TRIT1: variants seen among roughly 807,000 people sequenced by gnomAD.
TRIT1 encodes the protein tRNA isopentenyltransferase 1, also known as tRNA dimethylallyltransferase.
In TRIT1, 43 loss-of-function variants were observed where a neutral mutation model predicts 51.2. The ratio of observed to expected loss-of-function variants is 0.84; its 90% confidence interval spans 0.66 to 1.08. The LOEUF (loss-of-function observed/expected upper bound fraction) is 1.08, where lower values mean the gene tolerates loss of function less well. Ranked by LOEUF, TRIT1 falls within the 50% of genes least tolerant of loss-of-function variation. The probability of loss-of-function intolerance (pLI) is 0.00; values close to 1 mark genes in which losing one functional copy is unlikely to be tolerated. For missense variants in TRIT1, 528 were observed against 578.4 expected, an observed-to-expected ratio of 0.91 and a Z score of 0.89; for synonymous variants, 184 against 203.9, an observed-to-expected ratio of 0.90 and a Z score of 0.83.
rs116764500 is a variant in TRIT1, at chr1:39,860,801, C to T, written c.175-3384G>A. ...GACAAAAAGTTTATTTTAAAAAAGC[C>T]GCGTGCAGTGGCTCACATCTGTAAT... On this transcript the variant is annotated intron_variant, in intron 1 of 10. Coordinates refer to ENST00000316891, the MANE Select transcript of TRIT1 (RefSeq NM_017646.6). Among the ~76,000 whole-genome samples, 608 of 152,258 alleles carry T rather than the reference C, an allele frequency of 4.0e-3. 6 individuals are homozygous for T. Among genetic ancestry groups the T allele is most frequent in the African/African-American group, 0.014 (576 of 41,534 alleles).
chr1:39,848,169 A>C, intron 5 of TRIT1, 72 bp from the exon 6 acceptor site: 1 of 1,058,882 alleles, frequency 9.4e-7, no homozygotes, highest in South Asian at 1.3e-5. Flanking sequence ...TGACGAGTGA[A>C]CAGGTGGTCA....
chr1:39,848,231 T>C, intron 5 of TRIT1, 134 bp from the exon 6 acceptor site: 1 of 652,168 alleles, frequency 1.5e-6, no homozygotes, highest in South Asian at 1.9e-5. Context: ...TTCCAAAGAT[T>C]ATTATAATAA....
intron 1 of TRIT1, among the ~76,000 whole-genome samples, chr1:39,868,445 C>T (rs1643669813): frequency 6.6e-6 from 1 of 151,632 alleles, no homozygotes; most frequent in Admixed American, 6.6e-5. Flanking sequence ...GACTTCGAGA[C>T]CAGCCTGCCT....
intron 2 of TRIT1, among the ~76,000 whole-genome samples, chr1:39,854,866 G>C (rs1355581284): frequency 6.6e-6 from 1 of 151,680 alleles, no homozygotes; most frequent in Non-Finnish European, 1.5e-5. Flanking sequence ...TTTTGAGACA[G>C]GGTCTCACTC....
chr1:39,856,381 C>T (rs1244338875), intron 2 of TRIT1, among the ~76,000 whole-genome samples: 4 of 151,138 alleles, frequency 2.6e-5, no homozygotes, highest in African/African-American at 7.3e-5. Context: ...ATATTTAGGA[C>T]GCTGAGGTGG....
chr1:39,869,922 G>A (rs934213820), intron 1 of TRIT1, among the ~76,000 whole-genome samples: 8 of 151,872 alleles, frequency 5.3e-5, no homozygotes, highest in South Asian at 2.1e-4. Flanking sequence ...CAGCCGCCCC[G>A]TCCGGGAGGC....
In TRIT1 at chr1:39,839,502, C is replaced by T. The variant is rs1652487805; in HGVS notation, c.*2242G>A. On this transcript the variant is annotated 3_prime_UTR_variant, in exon 11 of 11. Transcript: ENST00000316891. ...AATTACTTTCCTTCCCTACACTCAA[C>T]AGCGAAGTCATTCATAGGGGAGCAG... Among the ~76,000 whole-genome samples, 1 of 152,200 alleles carries T rather than the reference C, an allele frequency of 6.6e-6. No homozygotes were observed. Among genetic ancestry groups the T allele is most frequent in the African/African-American group, 2.4e-5 (1 of 41,444 alleles).
intron 1 of TRIT1, among the ~76,000 whole-genome samples, chr1:39,869,839 C>A (rs1210403952): frequency 1.3e-5 from 2 of 151,980 alleles, no homozygotes; most frequent in African/African-American, 4.8e-5. Context: ...GCAGCCGCCC[C>A]GTCTGGGAAG....
chr1:39,882,145 G>A (rs868571588), intron 1 of TRIT1, among the ~76,000 whole-genome samples: 18 of 152,216 alleles, frequency 1.2e-4, no homozygotes, highest in South Asian at 2.1e-4. Flanking sequence ...TTAGGCTATA[G>A]CTGCATATCT....
Position 39,857,457 on chromosome 1 carries a change from C to A in TRIT1, c.175-40G>T, listed in dbSNP as rs768969697. On this transcript the variant is annotated intron_variant, in intron 1 of 10. Transcript: ENST00000316891. ...ATTAACATGAGAAAGTCAACCACCT[C>A]CATAAAAGATGCATACTTAATGAAT... is the stretch of plus-strand genomic sequence containing the variant. 1.4e-5 allele frequency: 23 copies of A among 1,602,282 alleles called. No individual in the cohort carries two copies. The South Asian group carries it at 2.6e-4, about 18-fold the overall frequency.
intron 4 of TRIT1, among the ~76,000 whole-genome samples, chr1:39,852,077 C>T (rs1642611071): frequency 6.6e-6 from 1 of 151,942 alleles, no homozygotes; most frequent in African/African-American, 2.4e-5. Context: ...TACTTCACAA[C>T]CCCTATGAAT....
chr1:39,865,257 G>A (rs1643471247), intron 1 of TRIT1, among the ~76,000 whole-genome samples: 1 of 152,096 alleles, frequency 6.6e-6, no homozygotes, highest in Non-Finnish European at 1.5e-5. Flanking sequence ...TATCCCACTA[G>A]GCCTTCCTCC....
intron 5 of TRIT1, among the ~76,000 whole-genome samples, chr1:39,848,838 A>C (rs1323455058): frequency 6.6e-6 from 1 of 151,246 alleles, no homozygotes; most frequent in Non-Finnish European, 1.5e-5. Context: ...AAAAAAAAAG[A>C]CATCCTAGAT....
At chr1:39,853,617 G>C (rs1038312383) in intron 3 of TRIT1, among the ~76,000 whole-genome samples, 4 of 151,968 alleles carry the variant, frequency 2.6e-5, no homozygotes, top group African/African-American at 9.7e-5. Context: ...TCACCATGTT[G>C]GCCAGGCTGG....
intron 10 of TRIT1, among the ~76,000 whole-genome samples, chr1:39,843,222 G>C (rs1335460903): frequency 6.6e-6 from 1 of 152,124 alleles, no homozygotes; most frequent in Non-Finnish European, 1.5e-5. Context: ...TTGCTTTGGG[G>C]AGAAAAATCT....
At chr1:39,862,036 G>A (rs948787507) in intron 1 of TRIT1, among the ~76,000 whole-genome samples, 1 of 151,826 alleles carries the variant, frequency 6.6e-6, no homozygotes, top group African/African-American at 2.4e-5. Flanking sequence ...AATCACAAAA[G>A]GACAAACACT....
At chr1:39,870,450 A>G (rs1643830263) in intron 1 of TRIT1, among the ~76,000 whole-genome samples, 1 of 145,802 alleles carries the variant, frequency 6.9e-6, no homozygotes, top group African/African-American at 2.6e-5. Context: ...TCCCTCCACT[A>G]TTGTCCTATG....
At chr1:39,845,066 T>C (rs1363520416) in intron 8 of TRIT1, among the ~76,000 whole-genome samples, 3 of 152,258 alleles carry the variant, frequency 2.0e-5, no homozygotes, top group African/African-American at 7.2e-5. Context: ...GAGCAGATAC[T>C]AGTCTCGGGT....
chr1:39,846,476 T>C (rs528924738), intron 8 of TRIT1, among the ~76,000 whole-genome samples: 1 of 152,372 alleles, frequency 6.6e-6, no homozygotes, highest in Admixed American at 6.5e-5. Flanking sequence ...ATACTAATGC[T>C]GTCTTGCTAA....
Sources: gnomAD v4.1 joint callset for allele counts (sites outside exome capture counted in the v4.1 genomes callset) on GRCh38, gnomAD v4.1.1 for gene constraint, MANE v1.5 for transcripts, NCBI Gene and HGNC (gene_info 2026-07-23, HGNC 2026-07-21) for gene names.